Variants in OPHN1 observed in about 807,000 individuals in gnomAD.
OPHN1 encodes the protein oligophrenin 1.
A neutral mutation model predicts 60.7 loss-of-function variants in OPHN1; 11 were observed. That is an observed-to-expected ratio of 0.18 (90% CI 0.11 to 0.30). The LOEUF is 0.30. Ranked by LOEUF, OPHN1 falls within the 10% of genes least tolerant of loss-of-function variation. The pLI is 1.00. For synonymous variants in OPHN1, 226 were observed against 222.6 expected (o/e 1.02, Z -0.14); for missense variants, 449 against 611.0 (o/e 0.73, Z 2.80).
chrX:68,191,246 A>G (rs937168876), intron 15 of OPHN1, among the ~76,000 whole-genome samples: 1 of 111,509 alleles, frequency 9.0e-6, no homozygotes, highest in Non-Finnish European at 1.9e-5. Flanking sequence ...GAGCTTGTGC[A>G]GAGACTCCAA....
At chrX:68,324,420 C>T (rs1318314111) in intron 2 of OPHN1, among the ~76,000 whole-genome samples, 2 of 103,717 alleles carry the variant, frequency 1.9e-5, no homozygotes, top group South Asian at 4.5e-4. Context: ...CTGGGCAAAC[C>T]GGTAAGACTC....
Position 68,212,141 on chromosome X carries a change from T to A in OPHN1, c.669A>T (p.Pro223=). The A allele has an allele frequency of 8.3e-7, 1 of 1,206,384 alleles. No homozygotes were observed. The highest frequency in any genetic ancestry group is 1.1e-6 in the Non-Finnish European group (1 of 891,606). The change falls in exon 8 of 25, where the codon CCA becomes CCT. Residue 223 remains proline (P), a synonymous_variant. Coordinates refer to ENST00000355520, the MANE Select transcript of OPHN1 (RefSeq NM_002547.3). Reference sequence around the variant, plus strand: ...AACTGAGTTGGAGCTGTTGTTTGTATGGGAGGAAATCCTGTGTGAGCTCCA... The same window carrying A: ...AACTGAGTTGGAGCTGTTGTTTGTAAGGGAGGAAATCCTGTGTGAGCTCCA... The part of the protein sequence containing the change: ...LTVELTQDFL[P]YKQQLQLSLQ...
intron 15 of OPHN1, among the ~76,000 whole-genome samples, chrX:68,178,245 T>C (rs1003090119): frequency 2.7e-5 from 3 of 111,810 alleles, no homozygotes; most frequent in African/African-American, 9.7e-5. Flanking sequence ...GTTGAAGAGT[T>C]CAAAATTCAA....
rs776833719 is a variant in OPHN1 at position 68,360,365 on chromosome X, TAG to T, written c.155-61271_155-61270del. On this transcript the variant is annotated intron_variant, in intron 2 of 24. Coordinates refer to ENST00000355520, the MANE Select transcript of OPHN1 (RefSeq NM_002547.3). ...GCTAATTTTGAAAATTTTGTAGAAA[TAG>T]AGTCTCATTATGTTGCCCAGGCTGG... Among the ~76,000 whole-genome samples the T allele has an allele frequency of 1.8e-4, 20 of 110,333 alleles. No individual in the cohort carries two copies. The South Asian group carries it at 2.0e-3, about 11-fold the overall frequency.
At chrX:68,400,580 TTCTC>T (rs948759634) in intron 2 of OPHN1, among the ~76,000 whole-genome samples, 4 of 109,692 alleles carry the variant, frequency 3.6e-5, no homozygotes, top group Non-Finnish European at 7.6e-5. Flanking sequence ...CACGTCTTTC[TTCTC>T]TCTTTTTTTT....
intron 5 of OPHN1, among the ~76,000 whole-genome samples, chrX:68,263,763 A>T (rs1398669527): frequency 8.9e-6 from 1 of 112,062 alleles, no homozygotes; most frequent in Non-Finnish European, 1.9e-5. Context: ...GTTATCCAAT[A>T]GAAAGATAAT....
chrX:68,405,813 G>A (rs1446868608), intron 2 of OPHN1, among the ~76,000 whole-genome samples: 1 of 111,328 alleles, frequency 9.0e-6, no homozygotes, highest in Non-Finnish European at 1.9e-5. Context: ...AAACTTTTGG[G>A]ACATAATGGG....
intron 15 of OPHN1, among the ~76,000 whole-genome samples, chrX:68,127,276 G>A (rs991844862): frequency 8.9e-6 from 1 of 112,162 alleles, no homozygotes; most frequent in African/African-American, 3.2e-5. Flanking sequence ...TTAGAACGTG[G>A]CTGATATAAG....
chrX:68,298,975 A>T, intron 3 of OPHN1, 26 bp downstream of exon 3: 2 of 1,000,640 alleles, frequency 2.0e-6, no homozygotes, highest in Non-Finnish European at 2.8e-6. Context: ...CAACAGGTAT[A>T]TGACCACATG....
intron 20 of OPHN1, 131 bp downstream of exon 20, chrX:68,073,021 T>C: frequency 2.6e-6 from 2 of 768,164 alleles, no homozygotes; most frequent in Non-Finnish European, 3.9e-6. Context: ...CCCTGGCTGC[T>C]TTTAAGCTCA....
At chrX:68,266,845 C>T (rs1394421727) in intron 5 of OPHN1, among the ~76,000 whole-genome samples, 1 of 110,464 alleles carries the variant, frequency 9.1e-6, no homozygotes, top group African/African-American at 3.3e-5. Flanking sequence ...CTCCCAAGCA[C>T]ATGGAAAGCA....
At chrX:68,275,552 G>A (rs1176132381) in intron 4 of OPHN1, among the ~76,000 whole-genome samples, 1 of 111,274 alleles carries the variant, frequency 9.0e-6, no homozygotes, top group Non-Finnish European at 1.9e-5. Context: ...GTGAGAGTTA[G>A]AATCACTAAA....
chrX:68,421,584 T>G (rs1297354625), intron 2 of OPHN1, among the ~76,000 whole-genome samples: 1 of 111,669 alleles, frequency 9.0e-6, no homozygotes, highest in Non-Finnish European at 1.9e-5. Context: ...AAGATTAGTC[T>G]CCAGCTGTCA....
chrX:68,235,891 T>C (rs756128001), intron 5 of OPHN1, among the ~76,000 whole-genome samples: 1 of 108,562 alleles, frequency 9.2e-6, no homozygotes, highest in East Asian at 2.9e-4. Flanking sequence ...GAAAGAAATG[T>C]GCTTTTTACT....
At chrX:68,279,675 T>A (rs1335250600) in intron 4 of OPHN1, among the ~76,000 whole-genome samples, 1 of 111,696 alleles carries the variant, frequency 9.0e-6, no homozygotes. Flanking sequence ...AATGGAAAAG[T>A]TATAATCAAG....
At chrX:68,386,536 C>T (rs761253818) in intron 2 of OPHN1, among the ~76,000 whole-genome samples, 4 of 111,820 alleles carry the variant, frequency 3.6e-5, no homozygotes, top group South Asian at 3.8e-4. Context: ...AAGAATATAG[C>T]GTAGAGTTCC....
At chrX:68,309,620 A>G (rs773943316) in intron 2 of OPHN1, among the ~76,000 whole-genome samples, 66 of 112,081 alleles carry the variant, frequency 5.9e-4, no homozygotes, top group Non-Finnish European at 1.2e-3. Flanking sequence ...TACTTACGAC[A>G]TTTTGCCCAC....
intron 4 of OPHN1, among the ~76,000 whole-genome samples, chrX:68,280,130 C>T (rs2078012915): frequency 9.0e-6 from 1 of 111,482 alleles, no homozygotes; most frequent in Non-Finnish European, 1.9e-5. Context: ...CCAGGGAAAC[C>T]ACACATATTG....
chrX:68,419,007 GTTGT>G (rs1021268994), intron 2 of OPHN1, among the ~76,000 whole-genome samples: 11 of 110,422 alleles, frequency 1.0e-4, no homozygotes, highest in South Asian at 3.9e-4. Flanking sequence ...TTTTGTTGTT[GTTGT>G]TTGTTTGTTT....
Sources: allele counts gnomAD v4.1 joint callset (sites outside exome capture counted in the v4.1 genomes callset), GRCh38; gene constraint gnomAD v4.1.1; transcripts MANE v1.5; gene names NCBI Gene and HGNC (gene_info 2026-07-23, HGNC 2026-07-21).